The following EXOC4 variants were observed in gnomAD, a reference collection of about 807,000 sequenced individuals.
EXOC4 encodes the protein SEC8-like 1.
Under a neutral mutation model 107.2 loss-of-function variants are expected in EXOC4, and 71 were observed. The ratio of observed to expected loss-of-function variants is 0.66; its 90% confidence interval spans 0.55 to 0.81. EXOC4 has a LOEUF of 0.81. EXOC4 is among the 30% of genes least tolerant of loss of function. The pLI, the probability that EXOC4 is intolerant of heterozygous loss-of-function variation, is 0.00. For missense variants in EXOC4, 1,108 were observed against 1,189.6 expected (o/e 0.93, Z 1.01); for synonymous variants, 456 against 441.2 (o/e 1.03, Z -0.42).
chr7:133,933,383 A>G (rs1179299884), intron 13 of EXOC4, among the ~76,000 whole-genome samples: 2 of 152,136 alleles, frequency 1.3e-5, no homozygotes, highest in African/African-American at 4.8e-5. Flanking sequence ...GCAAGTCCTC[A>G]GATGGGATCC....
At chr7:133,920,224 G>A (rs141131030) in intron 13 of EXOC4, among the ~76,000 whole-genome samples, 4 of 152,210 alleles carry the variant, frequency 2.6e-5, no homozygotes, top group African/African-American at 9.6e-5. Flanking sequence ...CATTTTAATT[G>A]GGTTATGGGT....
intron 5 of EXOC4, among the ~76,000 whole-genome samples, chr7:133,347,785 T>A (rs1795820440): frequency 6.6e-6 from 1 of 152,064 alleles, no homozygotes; most frequent in African/African-American, 2.4e-5. Context: ...TTGGGGCCAA[T>A]AGAATTTTAG....
At chr7:133,879,922 T>C (rs1798929799) in intron 11 of EXOC4, among the ~76,000 whole-genome samples, 1 of 152,170 alleles carries the variant, frequency 6.6e-6, no homozygotes, top group South Asian at 2.1e-4. Flanking sequence ...CTTTCAGGCC[T>C]TCCACAAGCT....
chr7:133,655,152 CCTT>C (rs1803259271), intron 10 of EXOC4, among the ~76,000 whole-genome samples: 1 of 148,702 alleles, frequency 6.7e-6, no homozygotes, highest in South Asian at 2.2e-4. Context: ...AATACATTAA[CCTT>C]AGCTTACTGT....
intron 10 of EXOC4, among the ~76,000 whole-genome samples, chr7:133,784,562 A>G (rs1796531541): frequency 6.6e-6 from 1 of 152,230 alleles, no homozygotes; most frequent in Non-Finnish European, 1.5e-5. Context: ...AGTCCAGGCT[A>G]GTCATAATGA....
intron 11 of EXOC4, among the ~76,000 whole-genome samples, chr7:133,870,344 G>A (rs1037057097): frequency 3.9e-5 from 6 of 152,240 alleles, no homozygotes; most frequent in Middle Eastern, 3.4e-3. Context: ...TTCTTCCTGA[G>A]TATGATTTTA....
chr7:133,606,829 T>A (rs1032579036), intron 9 of EXOC4, among the ~76,000 whole-genome samples: 1 of 152,138 alleles, frequency 6.6e-6, no homozygotes, highest in Non-Finnish European at 1.5e-5. Context: ...TGCTACTGTT[T>A]TAAATGGTGG....
At chr7:133,705,723 G>A (rs1196083120) in intron 10 of EXOC4, among the ~76,000 whole-genome samples, 1 of 152,158 alleles carries the variant, frequency 6.6e-6, no homozygotes, top group Non-Finnish European at 1.5e-5. Context: ...AGATGGCTAC[G>A]AAGTGACTAA....
chr7:133,319,725 C>T (rs1371554844), intron 5 of EXOC4, among the ~76,000 whole-genome samples: 2 of 152,036 alleles, frequency 1.3e-5, no homozygotes, highest in Non-Finnish European at 2.9e-5. Flanking sequence ...AGGTAATTGT[C>T]CGCCTTGGCC....
chr7:133,801,840 C>T (rs1796951879), intron 10 of EXOC4, among the ~76,000 whole-genome samples: 1 of 152,180 alleles, frequency 6.6e-6, no homozygotes, highest in South Asian at 2.1e-4. Flanking sequence ...AATTAACACA[C>T]CAATAATACA....
chr7:133,661,198 A>C (rs1803431815), intron 10 of EXOC4, among the ~76,000 whole-genome samples: 1 of 152,060 alleles, frequency 6.6e-6, no homozygotes, highest in South Asian at 2.1e-4. Flanking sequence ...GCTGCTTGGC[A>C]GTCTCTTGCT....
chr7:133,543,115 G>T (rs911048554), intron 9 of EXOC4, among the ~76,000 whole-genome samples: 1 of 152,016 alleles, frequency 6.6e-6, no homozygotes, highest in Non-Finnish European at 1.5e-5. Flanking sequence ...TTTTCTGGAT[G>T]GTGTGGTAAA....
At position 133,606,496 on chromosome 7, in the gene EXOC4, T is replaced by TTTA. The variant is rs538187978; in HGVS notation, c.1418-23528_1418-23526dup. 6.1e-3 allele frequency among the ~76,000 whole-genome samples: 897 copies of TTTA among 147,314 alleles called. 11 individuals are homozygous for TTTA. Among genetic ancestry groups the TTTA allele is most frequent in the African/African-American group, 0.019 (755 of 39,544 alleles). On this transcript the variant is annotated intron_variant, in intron 9 of 17. Coordinates refer to ENST00000253861, the MANE Select transcript of EXOC4 (RefSeq NM_021807.4). ...TGAGAAACTGCTTCCTTTGCTGCTG[T>TTTA]TTATTATTATTATTATTATTATTTT...
chr7:133,389,761 G>A (rs1253420172), intron 7 of EXOC4, among the ~76,000 whole-genome samples: 1 of 152,004 alleles, frequency 6.6e-6, no homozygotes, highest in Non-Finnish European at 1.5e-5. Context: ...TGCTGATAAA[G>A]ACATACTCCA....
intron 10 of EXOC4, among the ~76,000 whole-genome samples, chr7:133,719,126 G>A (rs146172336): frequency 1.3e-5 from 2 of 152,280 alleles, no homozygotes; most frequent in East Asian, 3.9e-4. Flanking sequence ...TGTTCTCTCA[G>A]TAGTGAATAA....
chr7:133,745,376 A>G (rs1177958796), intron 10 of EXOC4, among the ~76,000 whole-genome samples: 1 of 152,134 alleles, frequency 6.6e-6, no homozygotes, highest in Non-Finnish European at 1.5e-5. Flanking sequence ...CTTTAAACTT[A>G]CTGTCTAATT....
At chr7:133,659,621 C>T (rs986975929) in intron 10 of EXOC4, among the ~76,000 whole-genome samples, 4 of 152,122 alleles carry the variant, frequency 2.6e-5, no homozygotes, top group Admixed American at 2.6e-4. Flanking sequence ...ATTCCTGGTC[C>T]TTACGTTGGA....
At chr7:133,326,027 G>A (rs373977569) in intron 5 of EXOC4, among the ~76,000 whole-genome samples, 9 of 152,148 alleles carry the variant, frequency 5.9e-5, no homozygotes, top group South Asian at 2.1e-4. Flanking sequence ...TTGTGCATTC[G>A]TCACGTAGTT....
chr7:133,729,819 C>T (rs1422151607), intron 10 of EXOC4, among the ~76,000 whole-genome samples: 2 of 151,640 alleles, frequency 1.3e-5, no homozygotes, highest in Non-Finnish European at 2.9e-5. Flanking sequence ...TAAATGCTTC[C>T]ATGTATTCAA....
Sources: gnomAD v4.1 joint callset for allele counts (sites outside exome capture counted in the v4.1 genomes callset) on GRCh38, gnomAD v4.1.1 for gene constraint, MANE v1.5 for transcripts, NCBI Gene and HGNC (gene_info 2026-07-23, HGNC 2026-07-21) for gene names.